Variants in PTCD3 observed in about 807,000 individuals in gnomAD.
PTCD3 encodes pentatricopeptide repeat domain 3.
A neutral mutation model predicts 101.9 loss-of-function variants in PTCD3; 89 were observed. That is an observed-to-expected ratio of 0.87 (90% CI 0.74 to 1.04). The LOEUF is 1.04. PTCD3 is among the 50% of genes least tolerant of loss of function. The pLI, the probability that PTCD3 is intolerant of heterozygous loss-of-function variation, is 0.00. For synonymous variants in PTCD3, 296 were observed against 278.5 expected, an observed-to-expected ratio of 1.06 and a Z score of -0.63; for missense variants, 870 against 828.2, an observed-to-expected ratio of 1.05 and a Z score of -0.62.
chr2:86,136,391 T>G, intron 21 of PTCD3, 130 bp from the exon 22 acceptor site: 1 of 849,700 alleles, frequency 1.2e-6, no homozygotes, highest in Non-Finnish European at 1.9e-6. Flanking sequence ...CACAGATGTG[T>G]GTCTTTGGGA....
intron 12 of PTCD3, 115 bp downstream of exon 12, chr2:86,125,995 C>T (rs1029115048): frequency 4.6e-5 from 30 of 645,792 alleles, no homozygotes; most frequent in Non-Finnish European, 4.5e-5. Flanking sequence ...TTTGGGAGGC[C>T]GAGGCGGGCA....
chr2:86,107,423 TA>T (rs1673978994), intron 1 of PTCD3, among the ~76,000 whole-genome samples: 1 of 152,246 alleles, frequency 6.6e-6, no homozygotes, highest in Admixed American at 6.5e-5. Context: ...TGAAACCAGA[TA>T]CTACTGGAGG....
At chr2:86,108,583 T>C in intron 3 of PTCD3, 47 bp downstream of exon 3, 1 of 1,533,432 alleles carries the variant, frequency 6.5e-7, no homozygotes, top group Non-Finnish European at 8.8e-7. Context: ...GAGTGCTTAC[T>C]ATGAGAGAAG....
intron 14 of PTCD3, among the ~76,000 whole-genome samples, chr2:86,129,142 C>G (rs964121037): frequency 2.0e-5 from 3 of 152,128 alleles, no homozygotes; most frequent in Admixed American, 6.5e-5. Flanking sequence ...TAAACAGTTT[C>G]CATAATTGTG....
intron 7 of PTCD3, among the ~76,000 whole-genome samples, chr2:86,120,411 T>G (rs1296353422): frequency 1.3e-5 from 2 of 152,036 alleles, no homozygotes; most frequent in Non-Finnish European, 2.9e-5. Flanking sequence ...TACAATACCT[T>G]ATTCATTGGT....
At position 86,141,652 on chromosome 2, in the gene PTCD3, T is replaced by C. The variant is rs1409972860; in HGVS notation, c.*4093T>C. 4 of 152,234 alleles carry C rather than the reference T, an allele frequency of 2.6e-5. No individual in the cohort carries two copies. Among genetic ancestry groups the C allele is most frequent in the African/African-American group, 7.2e-5 (3 of 41,458 alleles). 9.4% of individuals were successfully genotyped at this position (152,234 alleles called of 1,614,324 possible). A position where few individuals can be genotyped will look rare whatever the true frequency, so the allele number is the denominator to read the frequency against. On this transcript the variant is annotated 3_prime_UTR_variant, in exon 24 of 24. Transcript: ENST00000254630. The stretch of plus-strand genomic sequence containing the variant: ...ATCAGGATGTGTGAGTTTTAAGATG[T>C]TGAACACTGTCCTACATCAGTGAGG...
At chr2:86,115,626 A>G (rs1674163567) in intron 4 of PTCD3, among the ~76,000 whole-genome samples, 1 of 152,204 alleles carries the variant, frequency 6.6e-6, no homozygotes, top group Non-Finnish European at 1.5e-5. Context: ...CCAGGTCAGT[A>G]AAACAGCATT....
intron 9 of PTCD3, 39 bp downstream of exon 9, chr2:86,123,801 T>G: frequency 9.1e-6 from 13 of 1,427,446 alleles, no homozygotes; most frequent in South Asian, 1.3e-5. Context: ...TTACAGTGTC[T>G]TACAGTGCAT....
intron 21 of PTCD3, 91 bp downstream of exon 21, chr2:86,135,078 C>A: frequency 7.1e-7 from 1 of 1,413,596 alleles, no homozygotes; most frequent in Non-Finnish European, 9.5e-7. Flanking sequence ...TTTCATTTGG[C>A]CACATAACAC....
At position 86,125,048 on chromosome 2, in the gene PTCD3, AT is replaced by A; in HGVS notation, c.772del (p.Ser258ProfsTer5). 1 of 1,614,156 alleles carries A rather than the reference AT, an allele frequency of 6.2e-7. No individual in the cohort carries two copies. The highest frequency in any genetic ancestry group is 8.5e-7 in the Non-Finnish European group (1 of 1,180,032). ...TCTCTAATGCCAGAGAAAAATGAAC[AT>A]TCCTATTGCACAATGATCCGAGGAA... ...IFSLMPEKNE[H>X]SYCTMIRGMV... is the part of the protein sequence containing the mutation. On this transcript the variant is annotated frameshift_variant, in exon 10 of 24. Transcript: ENST00000254630. LOFTEE classifies it high-confidence loss of function.
Position 86,127,243 on chromosome 2 carries a change from T to C in PTCD3, c.1034T>C (p.Phe345Ser). The C allele has an allele frequency of 1.9e-6, 3 of 1,614,088 alleles. No individual in the cohort carries two copies. The highest frequency in any genetic ancestry group is 1.7e-4 in the Middle Eastern group (1 of 6,058). ...ACCATTCTGAAATGTCTCCGAAGAT[T>C]TCATGTGTTTGCAAGATCGCCAGCC... ...FNTILKCLRR[F>S]HVFARSPALQ... is the part of the protein sequence containing the mutation. Residue 345 changes from phenylalanine to serine, a missense_variant, in exon 13 of 24, where the codon TTT becomes TCT. Physicochemically the swap from Phe to Ser is radical, Grantham distance 155. Coordinates refer to ENST00000254630, the MANE Select transcript of PTCD3 (RefSeq NM_017952.6).
intron 19 of PTCD3, among the ~76,000 whole-genome samples, 193 bp downstream of exon 19, chr2:86,133,629 G>A (rs773728404): frequency 3.0e-4 from 46 of 152,182 alleles, no homozygotes; most frequent in Non-Finnish European, 5.7e-4. Context: ...TGTTGAAAAT[G>A]ACTTAAGTCA....
chr2:86,123,050 G>A (rs1674319856), intron 8 of PTCD3, among the ~76,000 whole-genome samples: 1 of 152,078 alleles, frequency 6.6e-6, no homozygotes, highest in Non-Finnish European at 1.5e-5. Flanking sequence ...ATGAGGTCAG[G>A]AGATCGAGAC....
chr2:86,108,258 T>A, intron 1 of PTCD3, 92 bp from the exon 2 acceptor site: 2 of 1,390,964 alleles, frequency 1.4e-6, no homozygotes, highest in African/African-American at 2.9e-5. Flanking sequence ...TCCGTGATAA[T>A]TGGAGAATTT....
chr2:86,108,522 A>T lies in PTCD3; in HGVS notation c.180A>T (p.Pro60=). The T allele has an allele frequency of 6.3e-7, 1 of 1,595,354 alleles. No homozygotes were observed. The highest frequency in any genetic ancestry group is 8.5e-7 in the Non-Finnish European group (1 of 1,174,804). ...DVTGIEEVVI[P]KKKTWDKVAV... is the part of the protein sequence containing the mutation. ...TAGGGATTGAAGAAGTAGTAATTCC[A>T]AAAAAGAAAACTTGGTAAGTATTCT... Residue 60 remains proline, a synonymous_variant, in exon 3 of 24, where the codon CCA becomes CCT. Coordinates refer to ENST00000254630, the MANE Select transcript of PTCD3 (RefSeq NM_017952.6).
chr2:86,106,278 G>C lies in PTCD3; in HGVS notation c.31G>C (p.Gly11Arg). The C allele has an allele frequency of 1.2e-6, 2 of 1,613,768 alleles. No homozygotes were observed. The highest frequency in any genetic ancestry group is 1.7e-6 in the Non-Finnish European group (2 of 1,179,976). Residue 11 changes from glycine to arginine, a missense_variant, in exon 1 of 24, where the codon GGC becomes CGC. Transcript: ENST00000254630. ...GGTTGTATCTGCTGTTCGCTGGCTG[G>C]GCCTCCGCAGCAGGCTTGGCCAGCC... MAVVSAVRWL[G>R]LRSRLGQPLT...
In PTCD3 at chr2:86,137,104, G is replaced by A. The variant is rs1674600363; in HGVS notation, c.1943G>A (p.Arg648Lys). The A allele has an allele frequency of 6.3e-7, 1 of 1,596,938 alleles. No individual in the cohort carries two copies. The highest frequency in any genetic ancestry group is 8.5e-7 in the Non-Finnish European group (1 of 1,173,144). Residue 648 changes from arginine (R) to lysine (K), a missense_variant, in exon 23 of 24, where the codon AGA becomes AAA. Physicochemically the swap from Arg to Lys is conservative, Grantham distance 26. Coordinates refer to ENST00000254630, the MANE Select transcript of PTCD3 (RefSeq NM_017952.6). The stretch of plus-strand genomic sequence containing the variant: ...CCTATTTGTGAGGGCCTCACCCAGA[G>A]AGTAATGAGTGATTTTGCAATCAAC... ...SLPICEGLTQ[R>K]VMSDFAINQE...
intron 22 of PTCD3, 167 bp downstream of exon 22, chr2:86,136,729 G>A (rs1233723787): frequency 2.3e-6 from 2 of 872,478 alleles, no homozygotes; most frequent in South Asian, 1.6e-5. Context: ...TTTTATCTGT[G>A]TTGACGGATC....
At chr2:86,123,981 C>CT (rs1338284261) in intron 9 of PTCD3, among the ~76,000 whole-genome samples, 3 of 151,970 alleles carry the variant, frequency 2.0e-5, no homozygotes, top group Admixed American at 1.3e-4. Flanking sequence ...GACTTTGACC[C>CT]TTTTTTTTCC....
Sources: gnomAD v4.1 joint callset for allele counts (sites outside exome capture counted in the v4.1 genomes callset) on GRCh38, gnomAD v4.1.1 for gene constraint, MANE v1.5 for transcripts, NCBI Gene and HGNC (gene_info 2026-07-23, HGNC 2026-07-21) for gene names.